RAP1GAP2: variants seen among roughly 807,000 people sequenced by gnomAD.
RAP1GAP2 encodes the protein rap1 GTPase-activating protein 2.
RAP1GAP2 carries 27 observed loss-of-function variants against 95.0 expected under a neutral mutation model. That is an observed-to-expected ratio of 0.28 (90% confidence interval 0.21 to 0.39). The LOEUF is 0.39. RAP1GAP2 is among the 10% of genes least tolerant of loss of function. The probability of loss-of-function intolerance (pLI) is 1.00; values close to 1 mark genes in which losing one functional copy is unlikely to be tolerated. For synonymous variants in RAP1GAP2, 373 were observed against 380.9 expected, an observed-to-expected ratio of 0.98 and a Z score of 0.24; for missense variants, 771 against 970.0, an observed-to-expected ratio of 0.79 and a Z score of 2.72.
chr17:2,853,724 C>G (rs907143362), intron 2 of RAP1GAP2, among the ~76,000 whole-genome samples: 1 of 145,754 alleles, frequency 6.9e-6, no homozygotes, highest in African/African-American at 2.5e-5. Context: ...GCCGCCGGCC[C>G]GGGCCGCGCC....
Position 2,965,551 on chromosome 17 carries a change from C to T in RAP1GAP2, c.504C>T (p.Asn168=). Residue 168 remains asparagine, a synonymous_variant, in exon 8 of 25, where the codon AAC becomes AAT. Coordinates refer to ENST00000254695, the MANE Select transcript of RAP1GAP2 (RefSeq NM_015085.5). This position sits in a 1 kb window ranked among gnomAD's most constrained non-coding sequence, Gnocchi z 4.7. ...GTTTCTTTTTTTAGGATCATCTAAACTTTTACTGTACCGGCAGCAGCCTGG... is the reference window on the plus strand; with the variant it reads ...GTTTCTTTTTTTAGGATCATCTAAATTTTTACTGTACCGGCAGCAGCCTGG... ...RRHFLGKDHL[N]FYCTGSSLGN... The T allele has an allele frequency of 6.2e-7, 1 of 1,611,546 alleles. No individual in the cohort carries two copies. The highest frequency in any genetic ancestry group is 8.5e-7 in the Non-Finnish European group (1 of 1,178,938).
At position 2,905,331 on chromosome 17, in the gene RAP1GAP2, C is replaced by T. The variant is rs779304079; in HGVS notation, c.128C>T (p.Pro43Leu). 27 of 1,613,636 alleles carry T rather than the reference C, an allele frequency of 1.7e-5. No homozygotes were observed. The highest frequency in any genetic ancestry group is 8.0e-5 in the African/African-American group (6 of 74,914). ...TCGGATGCGACCCTCCCAGACCGGC[C>T]GCTCTCCCCTCCTCTCACGGCACCT... is the stretch of plus-strand genomic sequence containing the variant. ...NSSDATLPDR[P>L]LSPPLTAPPT... is the part of the protein sequence containing the mutation. Residue 43 changes from proline to leucine, a missense_variant, in exon 3 of 25, where the codon CCG becomes CTG. By Grantham distance (98) the Pro-to-Leu change is moderately conservative. Transcript: ENST00000254695.
chr17:2,943,242 A>G (rs1940605872), intron 3 of RAP1GAP2, among the ~76,000 whole-genome samples: 1 of 152,334 alleles, frequency 6.6e-6, no homozygotes, highest in South Asian at 2.1e-4. Flanking sequence ...AGCAAAGGAA[A>G]CAATCAACAG....
chr17:3,019,271 G>C (rs2046877199), intron 18 of RAP1GAP2, among the ~76,000 whole-genome samples: 1 of 152,140 alleles, frequency 6.6e-6, no homozygotes, highest in Admixed American at 6.5e-5. Context: ...GGCCGGGCAT[G>C]GTGGCTGAGG....
intron 2 of RAP1GAP2, among the ~76,000 whole-genome samples, chr17:2,883,161 G>A (rs954091962): frequency 6.6e-6 from 1 of 152,236 alleles, no homozygotes; most frequent in African/African-American, 2.4e-5. Context: ...AGGAGACCAC[G>A]TGGGTGGTGC....
At chr17:2,895,222 C>A (rs537376170) in intron 2 of RAP1GAP2, among the ~76,000 whole-genome samples, 4 of 152,344 alleles carry the variant, frequency 2.6e-5, no homozygotes, top group East Asian at 1.9e-4. Context: ...GTGACTGTTA[C>A]AGTGAAGACC....
intron 2 of RAP1GAP2, among the ~76,000 whole-genome samples, chr17:2,891,893 G>A (rs1316697869): frequency 4.6e-5 from 6 of 131,460 alleles, no homozygotes; most frequent in African/African-American, 1.1e-4. Flanking sequence ...ATGTGATCTC[G>A]GCTCACTGCA....
At chr17:2,816,982 C>CTTTTTTTT (rs148255771) in intron 2 of RAP1GAP2, among the ~76,000 whole-genome samples, 1 of 48,666 alleles carries the variant, frequency 2.1e-5, no homozygotes. Context: ...TCAGAATTTC[C>CTTTTTTTT]TTTTTTTTTT....
intron 3 of RAP1GAP2, among the ~76,000 whole-genome samples, chr17:2,919,897 C>T (rs1039324015): frequency 3.3e-5 from 5 of 151,976 alleles, no homozygotes; most frequent in African/African-American, 1.2e-4. Flanking sequence ...GATGGGGTTT[C>T]GCCATGTTGG....
At chr17:2,957,646 T>C in intron 3 of RAP1GAP2, 113 bp from the exon 4 acceptor site, 1 of 1,205,250 alleles carries the variant, frequency 8.3e-7, no homozygotes. Flanking sequence ...AAATGAATTT[T>C]GTCCCTGGGG....
rs1026152538 is a variant in RAP1GAP2 at position 2,902,617 on chromosome 17, T to C, written c.81-2667T>C. Among the ~76,000 whole-genome samples the C allele has an allele frequency of 2.6e-5, 4 of 152,150 alleles. No individual in the cohort carries two copies. The highest frequency in any genetic ancestry group is 9.7e-5 in the African/African-American group (4 of 41,438). Reference sequence around the variant, plus strand: ...AGCGCTGGAGCTTGCATGAGGCTGGTCACCACTGGTGCTCATGTCTGCTCT... The same window carrying C: ...AGCGCTGGAGCTTGCATGAGGCTGGCCACCACTGGTGCTCATGTCTGCTCT... On this transcript the variant is annotated intron_variant, in intron 2 of 24. Coordinates refer to ENST00000254695, the MANE Select transcript of RAP1GAP2 (RefSeq NM_015085.5). This position sits in a 1 kb window ranked among gnomAD's most constrained non-coding sequence, Gnocchi z 4.1.
chr17:2,892,639 C>T (rs1284624488), intron 2 of RAP1GAP2, among the ~76,000 whole-genome samples: 1 of 152,210 alleles, frequency 6.6e-6, no homozygotes, highest in Non-Finnish European at 1.5e-5. Context: ...TTCCCAGCTG[C>T]AGCATTGACA....
rs1298704889 is a variant in RAP1GAP2 at position 3,029,253 on chromosome 17, A to G, written c.2108-1669A>G. The stretch of plus-strand genomic sequence containing the variant: ...AGTAAAGGAATTAGAGAGTCTCTGC[A>G]GGTTGCTGAAGGTCACCGAGGGCGG... On this transcript the variant is annotated intron_variant, in intron 22 of 24. Transcript: ENST00000254695. This position sits in a 1 kb window ranked among gnomAD's most constrained non-coding sequence, Gnocchi z 4.4. Among the ~76,000 whole-genome samples the G allele has an allele frequency of 2.6e-5, 4 of 152,230 alleles. No homozygotes were observed. The highest frequency in any genetic ancestry group is 4.4e-5 in the Non-Finnish European group (3 of 68,040).
rs1284054902 is a variant in RAP1GAP2 at position 2,810,462 on chromosome 17, T to G, written c.80+9912T>G. ...TGCCATGTTGGTGTGCTGCACCCAT[T>G]AACTCGTCATTTAACATTAGGTATG... On this transcript the variant is annotated intron_variant, in intron 2 of 24. Coordinates refer to ENST00000254695, the MANE Select transcript of RAP1GAP2 (RefSeq NM_015085.5). Among the ~76,000 whole-genome samples, 3 of 151,184 alleles carry G rather than the reference T, an allele frequency of 2.0e-5. No individual in the cohort carries two copies. In the East Asian group the frequency reaches 5.8e-4, roughly 29 times the overall value.
At chr17:2,992,439 C>T (rs1341863720) in intron 12 of RAP1GAP2, among the ~76,000 whole-genome samples, 5 of 152,136 alleles carry the variant, frequency 3.3e-5, no homozygotes, top group Non-Finnish European at 7.3e-5. Context: ...GGATTACAGG[C>T]GTGAGCCACC....
At chr17:2,919,760 T>C (rs1237951589) in intron 3 of RAP1GAP2, among the ~76,000 whole-genome samples, 2 of 152,188 alleles carry the variant, frequency 1.3e-5, no homozygotes, top group Admixed American at 6.5e-5. Context: ...TGGAGTGCAG[T>C]AGCGCGATCT....
chr17:2,868,674 C>T lies in RAP1GAP2; in HGVS notation c.81-36610C>T, dbSNP rs535203014. On this transcript the variant is annotated intron_variant, in intron 2 of 24. Transcript: ENST00000254695. Reference sequence around the variant, plus strand: ...CTGGGATTACAGGCATGTGCCACTACGCCTGTCTAATTTCTGTATTTTTTA... The same window carrying T: ...CTGGGATTACAGGCATGTGCCACTATGCCTGTCTAATTTCTGTATTTTTTA... 3.2e-5 allele frequency among the ~76,000 whole-genome samples: 4 copies of T among 125,464 alleles called. No individual in the cohort carries two copies. In the South Asian group the frequency reaches 8.5e-4, roughly 27 times the overall value. 82.3% of individuals were successfully genotyped at this position (125,464 alleles called of 152,430 possible). A position where few individuals can be genotyped will look rare whatever the true frequency, so the allele number is the denominator to read the frequency against.
intron 2 of RAP1GAP2, among the ~76,000 whole-genome samples, chr17:2,865,862 C>G (rs2151629073): frequency 6.6e-6 from 1 of 152,366 alleles, no homozygotes; most frequent in South Asian, 2.1e-4. Flanking sequence ...ATCTGCCCCT[C>G]TCTTTCCCCT....
chr17:2,898,238 G>T (rs533615431), intron 2 of RAP1GAP2, among the ~76,000 whole-genome samples: 1 of 152,292 alleles, frequency 6.6e-6, no homozygotes, highest in East Asian at 1.9e-4. Context: ...ATCACCAAAG[G>T]TCTAGAGTTG....
Sources: allele counts gnomAD v4.1 joint callset (sites outside exome capture counted in the v4.1 genomes callset), GRCh38; gene constraint gnomAD v4.1.1; non-coding constraint Gnocchi (gnomAD v3.1); transcripts MANE v1.5; gene names NCBI Gene and HGNC (gene_info 2026-07-23, HGNC 2026-07-21).